UGT2A1: variants seen among roughly 807,000 people sequenced by gnomAD.
The protein encoded by UGT2A1 is UDP glucuronosyltransferase family 2 member A1 complex locus.
UGT2A1 carries 61 observed loss-of-function variants against 45.4 expected under a neutral mutation model. The ratio of observed to expected loss-of-function variants is 1.34; its 90% CI spans 1.09 to 1.66. The LOEUF (loss-of-function observed/expected upper bound fraction) is 1.66. Among genes scored for constraint, UGT2A1 ranks in the 40% most tolerant of loss-of-function variants. UGT2A1 has a pLI of 0.00. For synonymous variants in UGT2A1, 229 were observed against 196.2 expected (o/e 1.17, Z -1.40); for missense variants, 649 against 574.3 (o/e 1.13, Z -1.33).
intron 3 of UGT2A1, among the ~76,000 whole-genome samples, chr4:69,634,544 G>A (rs189119068): frequency 2.2e-4 from 34 of 152,030 alleles, no homozygotes; most frequent in Admixed American, 6.6e-4. Context: ...GATAGAGGGG[G>A]AAGGTTAAGA....
intron 3 of UGT2A1, among the ~76,000 whole-genome samples, chr4:69,611,879 C>T (rs539229118): frequency 1.1e-4 from 16 of 152,196 alleles, no homozygotes; most frequent in African/African-American, 3.4e-4. Flanking sequence ...ATTACACATA[C>T]GCATTCACAT....
At chr4:69,625,164 TC>T (rs1465279877) in intron 3 of UGT2A1, among the ~76,000 whole-genome samples, 1 of 128,808 alleles carries the variant, frequency 7.8e-6, no homozygotes, top group Non-Finnish European at 1.7e-5. Context: ...CTGTTTTCAT[TC>T]TTTTTTTTTC....
At chr4:69,619,521 AAAG>A (rs1720616533) in intron 3 of UGT2A1, among the ~76,000 whole-genome samples, 1 of 152,010 alleles carries the variant, frequency 6.6e-6, no homozygotes, top group South Asian at 2.1e-4. Context: ...AAATAACGTT[AAAG>A]AAGACTCTAA....
At chr4:69,592,232 A>G (rs948501176) in intron 6 of UGT2A1, among the ~76,000 whole-genome samples, 1 of 152,198 alleles carries the variant, frequency 6.6e-6, no homozygotes, top group African/African-American at 2.4e-5. Flanking sequence ...GGAAAAGTGA[A>G]TGAAATATTA....
At chr4:69,652,008 T>G (rs1275943483) in intron 1 of UGT2A1, among the ~76,000 whole-genome samples, 2 of 152,160 alleles carry the variant, frequency 1.3e-5, no homozygotes, top group Non-Finnish European at 2.9e-5. Context: ...AAGTACGTTT[T>G]CCTTTCTTTC....
At chr4:69,620,796 A>G (rs1365832300) in intron 3 of UGT2A1, among the ~76,000 whole-genome samples, 5 of 151,906 alleles carry the variant, frequency 3.3e-5, no homozygotes, top group African/African-American at 1.2e-4. Flanking sequence ...AAACAGAAAC[A>G]TAGACAAAGG....
intron 3 of UGT2A1, among the ~76,000 whole-genome samples, chr4:69,618,369 G>T (rs1720542324): frequency 6.6e-6 from 1 of 151,614 alleles, no homozygotes; most frequent in South Asian, 2.1e-4. Flanking sequence ...CAATCTAATT[G>T]GGAGATTCCA....
intron 3 of UGT2A1, among the ~76,000 whole-genome samples, chr4:69,611,369 A>G (rs1398404816): frequency 1.3e-5 from 2 of 151,426 alleles, no homozygotes; most frequent in Non-Finnish European, 2.9e-5. Context: ...TCATAAAAGT[A>G]CTCTAAGAAA....
At chr4:69,616,864 T>C (rs1720438056) in intron 3 of UGT2A1, among the ~76,000 whole-genome samples, 1 of 149,204 alleles carries the variant, frequency 6.7e-6, no homozygotes, top group Non-Finnish European at 1.5e-5. Context: ...TAGTGGTTTC[T>C]AAGTTTCATT....
At chr4:69,620,103 T>C (rs1363185820) in intron 3 of UGT2A1, among the ~76,000 whole-genome samples, 1 of 152,012 alleles carries the variant, frequency 6.6e-6, no homozygotes, top group Non-Finnish European at 1.5e-5. Flanking sequence ...TCACTACTCC[T>C]ATTCAACATA....
rs548724758 is a variant in UGT2A1, at chr4:69,605,138, G to A, written c.848-5744C>T. Reference sequence around the variant, plus strand: ...TATACATTCTTCTCAGCACCACACCGCACTTATTCCAAAATTGACCACATA... The same window carrying A: ...TATACATTCTTCTCAGCACCACACCACACTTATTCCAAAATTGACCACATA... On this transcript the variant is annotated intron_variant, in intron 3 of 6. Coordinates refer to ENST00000286604, the MANE Select transcript of UGT2A1 (RefSeq NM_001252275.3). Among the ~76,000 whole-genome samples the A allele has an allele frequency of 3.1e-4, 42 of 136,326 alleles. 7 individuals carry two copies. Among genetic ancestry groups the A allele is most frequent in the South Asian group, 7.2e-4 (3 of 4,172 alleles). The allele number at this position is 136,326 out of a possible 152,430, so 89.4% of individuals were successfully genotyped here.
At position 69,634,335 on chromosome 4, in the gene UGT2A1, T is replaced by C. The variant is rs142939379; in HGVS notation, c.847+1356A>G. On this transcript the variant is annotated intron_variant, in intron 3 of 6. Coordinates refer to ENST00000286604, the MANE Select transcript of UGT2A1 (RefSeq NM_001252275.3). ...AGGAAAGCTACATATAAGAAGGAAT[T>C]GGAAGGCTTAGGTGACGAAAGATTA... Among the ~76,000 whole-genome samples the C allele has an allele frequency of 4.8e-4, 72 of 151,256 alleles. 1 individual carries two copies. The highest frequency in any genetic ancestry group is 1.6e-3 in the African/African-American group (64 of 41,284).
At chr4:69,630,220 T>C (rs1485039475) in intron 3 of UGT2A1, among the ~76,000 whole-genome samples, 1 of 152,104 alleles carries the variant, frequency 6.6e-6, no homozygotes, top group Non-Finnish European at 1.5e-5. Context: ...TAGTAATAGC[T>C]CCATCTGCAG....
At chr4:69,633,397 G>C (rs1050962223) in intron 3 of UGT2A1, among the ~76,000 whole-genome samples, 2 of 152,040 alleles carry the variant, frequency 1.3e-5, no homozygotes, top group Non-Finnish European at 2.9e-5. Flanking sequence ...CAACCTTTTG[G>C]GAAACTAAAT....
chr4:69,590,518 G>A (rs761966275), intron 6 of UGT2A1, among the ~76,000 whole-genome samples: 51 of 152,128 alleles, frequency 3.4e-4, no homozygotes, highest in African/African-American at 9.4e-4. Context: ...AATGGTTTGT[G>A]CAGAGATGTC....
Position 69,604,576 on chromosome 4 carries a change from A to C in UGT2A1, c.848-5182T>G, listed in dbSNP as rs1196443571. Among the ~76,000 whole-genome samples the C allele has an allele frequency of 1.5e-5, 2 of 136,606 alleles. 1 individual carries two copies. The highest frequency in any genetic ancestry group is 3.1e-5 in the Non-Finnish European group (2 of 64,246). 89.6% of individuals were successfully genotyped at this position (136,606 alleles called of 152,430 possible). On this transcript the variant is annotated intron_variant, in intron 3 of 6. Transcript: ENST00000286604. ...ATCAAGTTCACACATAAGAATATTAACCTTAAACATAAATGGGCTAAATGC... is the reference window on the plus strand; with the variant it reads ...ATCAAGTTCACACATAAGAATATTACCCTTAAACATAAATGGGCTAAATGC...
At chr4:69,618,211 G>T (rs55803022) in intron 3 of UGT2A1, among the ~76,000 whole-genome samples, 475 of 113,266 alleles carry the variant, frequency 4.2e-3, no homozygotes, top group Non-Finnish European at 5.6e-3. Flanking sequence ...GTGTGTGTGT[G>T]TGTGTATGTT....
At chr4:69,642,392 A>C (rs1277559186) in intron 2 of UGT2A1, among the ~76,000 whole-genome samples, 1 of 151,802 alleles carries the variant, frequency 6.6e-6, no homozygotes, top group Admixed American at 6.6e-5. Flanking sequence ...AAAACAGAAA[A>C]AGAAGAAGGA....
At chr4:69,638,913 T>A (rs975720728) in intron 2 of UGT2A1, 2 of 1,586,442 alleles carry the variant, frequency 1.3e-6, no homozygotes, top group African/African-American at 2.7e-5. Context: ...AATTTTGCTA[T>A]AGTATGAATT....
Sources: gnomAD v4.1 joint callset for allele counts (sites outside exome capture counted in the v4.1 genomes callset) on GRCh38, gnomAD v4.1.1 for gene constraint, MANE v1.5 for transcripts, NCBI Gene and HGNC (gene_info 2026-07-23, HGNC 2026-07-21) for gene names.